The following DYNC2H1 variants were observed in gnomAD, a reference collection of about 807,000 sequenced individuals.
The protein encoded by DYNC2H1 is cytoplasmic dynein 2 heavy chain 1.
DYNC2H1 carries 410 observed loss-of-function variants against 570.0 expected under a neutral mutation model. That is an observed-to-expected ratio of 0.72 (90% CI 0.66 to 0.78). DYNC2H1 has a LOEUF of 0.78. Ranked by LOEUF, DYNC2H1 falls within the 30% of genes least tolerant of loss-of-function variation. The probability of loss-of-function intolerance (pLI) is 0.00; values close to 1 mark genes in which losing one functional copy is unlikely to be tolerated. For missense variants in DYNC2H1, 4,865 were observed against 5,046.4 expected (o/e 0.96, Z 1.09); for synonymous variants, 1,688 against 1,677.6 (o/e 1.01, Z -0.15).
intron 84 of DYNC2H1, among the ~76,000 whole-genome samples, chr11:103,413,846 C>G (rs1251275179): frequency 2.0e-5 from 3 of 152,122 alleles, no homozygotes; most frequent in African/African-American, 7.2e-5. Flanking sequence ...CTTTATATCC[C>G]TAACTTAATA....
chr11:103,219,909 T>G lies in DYNC2H1; in HGVS notation c.8833-6T>G. ...TGATTGGAATGCCACTTAAATATTCTTATAGGATGCTAGTGAGCAAAAAAC... is the reference window on the plus strand; with the variant it reads ...TGATTGGAATGCCACTTAAATATTCGTATAGGATGCTAGTGAGCAAAAAAC... On this transcript the variant is annotated splice_polypyrimidine_tract_variant and splice_region_variant and intron_variant, in intron 55 of 88. Coordinates refer to ENST00000375735, the MANE Select transcript of DYNC2H1 (RefSeq NM_001377.3). 1.3e-6 allele frequency: 2 copies of G among 1,486,366 alleles called. No homozygotes were observed. Among genetic ancestry groups the G allele is most frequent in the East Asian group, 5.3e-5 (2 of 37,822 alleles). 92.1% of individuals were successfully genotyped at this position (1,486,366 alleles called of 1,614,324 possible). A position where few individuals can be genotyped will look rare whatever the true frequency, so the allele number is the denominator to read the frequency against.
chr11:103,286,640 T>G (rs577704735), intron 74 of DYNC2H1, among the ~76,000 whole-genome samples: 6 of 152,110 alleles, frequency 3.9e-5, no homozygotes, highest in Non-Finnish European at 8.8e-5. Context: ...ATAGGAAAAA[T>G]GTATTTCAGA....
In DYNC2H1 at chr11:103,243,553, A is replaced by T; in HGVS notation, c.9820-140A>T. ...AAAACTGTATTTTTGTTTCTTTTTCATGGTTGTATATTTGTGTTCTCCAAA... is the reference window on the plus strand; with the variant it reads ...AAAACTGTATTTTTGTTTCTTTTTCTTGGTTGTATATTTGTGTTCTCCAAA... On this transcript the variant is annotated intron_variant, in intron 63 of 88. Coordinates refer to ENST00000375735, the MANE Select transcript of DYNC2H1 (RefSeq NM_001377.3). This position sits in a 1 kb window ranked among gnomAD's most constrained non-coding sequence, Gnocchi z 4.8. The T allele has an allele frequency of 1.5e-6, 1 of 675,054 alleles. No individual in the cohort carries two copies. Among genetic ancestry groups the T allele is most frequent in the Non-Finnish European group, 2.4e-6 (1 of 413,770 alleles). 41.8% of individuals were successfully genotyped at this position (675,054 alleles called of 1,614,324 possible). A position where few individuals can be genotyped will look rare whatever the true frequency, so the allele number is the denominator to read the frequency against.
intron 22 of DYNC2H1, 110 bp from the exon 23 acceptor site, chr11:103,154,341 A>G: frequency 1.2e-6 from 1 of 827,604 alleles, no homozygotes; most frequent in Non-Finnish European, 1.8e-6. Flanking sequence ...AAACATACAC[A>G]AGTGTGTGTG....
At chr11:103,173,805 AT>A (rs1861676797) in intron 35 of DYNC2H1, among the ~76,000 whole-genome samples, 1 of 152,226 alleles carries the variant, frequency 6.6e-6, no homozygotes, top group Admixed American at 6.5e-5. Flanking sequence ...GTAACAGGTA[AT>A]TGTCATTTGG....
intron 85 of DYNC2H1, among the ~76,000 whole-genome samples, chr11:103,454,186 C>T (rs1258551139): frequency 6.6e-6 from 1 of 152,142 alleles, no homozygotes; most frequent in Non-Finnish European, 1.5e-5. Flanking sequence ...ACATGAAACA[C>T]ATCCTTTCTA....
rs762846246 is a variant in DYNC2H1 at position 103,321,062 on chromosome 11, G to A, written c.11759G>A (p.Gly3920Asp). ...GATGTACAATGGGAATTTGTACATG[G>A]TTTACTTGAAAATGCTATTTATGGA... The part of the protein sequence containing the change: ...AKDVQWEFVH[G>D]LLENAIYGGR... Residue 3920 changes from glycine to aspartate, a missense_variant, in exon 81 of 89, where the codon GGT becomes GAT. This residue lies in a region of DYNC2H1 where 2,401 missense variants were observed against 2,454.6 expected (regional missense o/e 0.98). Coordinates refer to ENST00000375735, the MANE Select transcript of DYNC2H1 (RefSeq NM_001377.3). 6.2e-7 allele frequency: 1 copy of A among 1,612,196 alleles called. No individual in the cohort carries two copies. The highest frequency in any genetic ancestry group is 1.1e-5 in the South Asian group (1 of 90,794).
intron 83 of DYNC2H1, among the ~76,000 whole-genome samples, chr11:103,382,846 T>C (rs529311246): frequency 6.6e-6 from 1 of 152,312 alleles, no homozygotes; most frequent in Non-Finnish European, 1.5e-5. Context: ...GTCAGCAAAG[T>C]AGAACAAATA....
intron 69 of DYNC2H1, among the ~76,000 whole-genome samples, chr11:103,258,313 G>A (rs1865142972): frequency 6.6e-6 from 1 of 152,218 alleles, no homozygotes; most frequent in African/African-American, 2.4e-5. Context: ...GTTTTTAAGA[G>A]ATGGTGAGGC....
intron 17 of DYNC2H1, 55 bp from the exon 18 acceptor site, chr11:103,143,213 T>A: frequency 6.4e-7 from 1 of 1,567,570 alleles, no homozygotes. Flanking sequence ...TTCTATTATA[T>A]GTTAACATAT....
chr11:103,412,672 G>A (rs1023892039), intron 84 of DYNC2H1, among the ~76,000 whole-genome samples: 1 of 152,074 alleles, frequency 6.6e-6, no homozygotes, highest in Non-Finnish European at 1.5e-5. Flanking sequence ...CAGCAATATG[G>A]CAAAAATGCT....
At chr11:103,235,492 T>A (rs1864185449) in intron 61 of DYNC2H1, among the ~76,000 whole-genome samples, 180 bp from the exon 62 acceptor site, 1 of 151,958 alleles carries the variant, frequency 6.6e-6, no homozygotes, top group South Asian at 2.1e-4. Flanking sequence ...TTTATACTTT[T>A]AAAAAATATC....
chr11:103,171,669 T>C (rs1310132971), intron 34 of DYNC2H1, among the ~76,000 whole-genome samples: 1 of 152,200 alleles, frequency 6.6e-6, no homozygotes, highest in Non-Finnish European at 1.5e-5. Flanking sequence ...TGCCTTAATG[T>C]ATTGTCTCAT....
At chr11:103,259,837 CT>C (rs1865198203) in intron 69 of DYNC2H1, 50 bp from the exon 70 acceptor site, 2 of 1,275,154 alleles carry the variant, frequency 1.6e-6, no homozygotes, top group Middle Eastern at 1.9e-4. Flanking sequence ...TATAGGCGTA[CT>C]TTTTAAATGT....
At chr11:103,394,255 T>G (rs1162972705) in intron 83 of DYNC2H1, among the ~76,000 whole-genome samples, 1 of 152,198 alleles carries the variant, frequency 6.6e-6, no homozygotes, top group African/African-American at 2.4e-5. Flanking sequence ...TTGATCCACT[T>G]GACAATTTGC....
intron 70 of DYNC2H1, among the ~76,000 whole-genome samples, chr11:103,265,019 A>T (rs1323207217): frequency 6.6e-6 from 1 of 152,172 alleles, no homozygotes; most frequent in Admixed American, 6.5e-5. Flanking sequence ...ACTTCAGCAA[A>T]GTCTCAGGAT....
chr11:103,293,227 T>C (rs1866684850), intron 75 of DYNC2H1, among the ~76,000 whole-genome samples: 1 of 152,212 alleles, frequency 6.6e-6, no homozygotes, highest in Non-Finnish European at 1.5e-5. Flanking sequence ...CCTTTAGCAC[T>C]CTGGATATGT....
Position 103,187,452 on chromosome 11 carries a change from A to G in DYNC2H1, c.7006A>G (p.Met2336Val), listed in dbSNP as rs951295753. 4 of 1,613,284 alleles carry G rather than the reference A, an allele frequency of 2.5e-6. No individual in the cohort carries two copies. The highest frequency in any genetic ancestry group is 2.7e-5 in the African/African-American group (2 of 74,868). The part of the protein sequence containing the change: ...HLLQKLSQTC[M>V]VISTNTGRVY... ...CCTGCAGAAACTGAGCCAGACTTGC[A>G]TGGTAATCAGTACTAATACTGGTCG... Residue 2336 changes from methionine to valine, a missense_variant, in exon 43 of 89, where the codon ATG becomes GTG. This residue lies in a region of DYNC2H1 where 2,401 missense variants were observed against 2,454.6 expected (regional missense o/e 0.98). Coordinates refer to ENST00000375735, the MANE Select transcript of DYNC2H1 (RefSeq NM_001377.3).
At chr11:103,401,004 T>C (rs1010641638) in intron 84 of DYNC2H1, among the ~76,000 whole-genome samples, 2 of 152,210 alleles carry the variant, frequency 1.3e-5, no homozygotes, top group Non-Finnish European at 2.9e-5. Context: ...TTGGAGTAGA[T>C]ATATTGTCAG....
Sources: gnomAD v4.1 joint callset for allele counts (sites outside exome capture counted in the v4.1 genomes callset) on GRCh38, gnomAD v4.1.1 for gene constraint, gnomAD v4.1.1 regional missense constraint, Gnocchi (gnomAD v3.1) non-coding constraint, MANE v1.5 for transcripts, NCBI Gene and HGNC (gene_info 2026-07-23, HGNC 2026-07-21) for gene names.